Variants in CTNND2 observed in about 807,000 individuals in gnomAD.
CTNND2 encodes catenin delta-2.
Under a neutral mutation model 144.4 loss-of-function variants are expected in CTNND2, and 22 were observed. That is an observed-to-expected ratio of 0.15 (90% CI 0.11 to 0.22). The LOEUF is 0.22. Among genes scored for constraint, CTNND2 ranks in the 10% least tolerant of loss-of-function variants. The pLI is 1.00. For missense variants in CTNND2, 1,353 were observed against 1,618.8 expected (o/e 0.84, Z 2.82); for synonymous variants, 751 against 695.6 (o/e 1.08, Z -1.25).
At chr5:11,143,855 G>A (rs1316155788) in intron 12 of CTNND2, among the ~76,000 whole-genome samples, 3 of 152,190 alleles carry the variant, frequency 2.0e-5, no homozygotes, top group African/African-American at 7.2e-5. Flanking sequence ...GATGTTGGGT[G>A]GGTTTGTCAG....
intron 2 of CTNND2, among the ~76,000 whole-genome samples, chr5:11,591,356 T>A (rs558467042): frequency 7.2e-5 from 11 of 152,204 alleles, no homozygotes; most frequent in Non-Finnish European, 1.6e-4. Context: ...ATCCCTCTTG[T>A]AAGAAAATTA....
At chr5:11,312,512 T>A (rs144480711) in intron 9 of CTNND2, among the ~76,000 whole-genome samples, 276 of 152,154 alleles carry the variant, frequency 1.8e-3, no homozygotes, top group African/African-American at 6.3e-3. Flanking sequence ...TTATTCACTA[T>A]CACGAGAATA....
At chr5:11,701,896 G>A (rs887797682) in intron 2 of CTNND2, among the ~76,000 whole-genome samples, 4 of 152,294 alleles carry the variant, frequency 2.6e-5, no homozygotes, top group South Asian at 2.1e-4. Context: ...TCAGCAGCTC[G>A]AGTCAACGGA....
At chr5:11,533,261 T>G (rs1245622992) in intron 3 of CTNND2, among the ~76,000 whole-genome samples, 4 of 152,238 alleles carry the variant, frequency 2.6e-5, no homozygotes, top group Non-Finnish European at 5.9e-5. Flanking sequence ...GGAAACAACA[T>G]GATAGCCTGT....
Position 11,304,124 on chromosome 5 carries a change from A to AGTATGTCTTTATCAGCAGCATGAAGG in CTNND2, c.1628+42222_1628+42247dup, listed in dbSNP as rs565694808. ...TTTCTTTATAAATTACCCAGTCTTG[A>AGTATGTCTTTATCAGCAGCATGAAGG]GTATGTCTTTATCAGCAGCATGAAG... On this transcript the variant is annotated intron_variant, in intron 9 of 21. Coordinates refer to ENST00000304623, the MANE Select transcript of CTNND2 (RefSeq NM_001332.4). Among the ~76,000 whole-genome samples, 19 of 152,260 alleles carry AGTATGTCTTTATCAGCAGCATGAAGG rather than the reference A, an allele frequency of 1.2e-4. 1 individual carries two copies. Among genetic ancestry groups the AGTATGTCTTTATCAGCAGCATGAAGG allele is most frequent in the South Asian group, 8.3e-4 (4 of 4,818 alleles).
chr5:11,590,353 T>C (rs549713217), intron 2 of CTNND2, among the ~76,000 whole-genome samples: 1 of 152,144 alleles, frequency 6.6e-6, no homozygotes, highest in Non-Finnish European at 1.5e-5. Flanking sequence ...CTGTAAATTA[T>C]TTTTTAAAAA....
chr5:11,797,105 A>G (rs780969249), intron 1 of CTNND2, among the ~76,000 whole-genome samples: 8 of 152,224 alleles, frequency 5.3e-5, no homozygotes, highest in Non-Finnish European at 8.8e-5. Flanking sequence ...AACTGAGGAA[A>G]AAGGTTTCTT....
intron 9 of CTNND2, 96 bp from the exon 10 acceptor site, chr5:11,236,919 A>G: frequency 7.7e-7 from 1 of 1,304,792 alleles, no homozygotes; most frequent in Non-Finnish European, 1.1e-6. Flanking sequence ...ACCTGACTCT[A>G]AAAGAAAATA....
At chr5:11,857,903 C>T (rs1795326426) in intron 1 of CTNND2, among the ~76,000 whole-genome samples, 1 of 152,164 alleles carries the variant, frequency 6.6e-6, no homozygotes, top group Admixed American at 6.6e-5. Flanking sequence ...ACAAGGTCTG[C>T]CCATGATCAG....
At chr5:11,560,387 A>G (rs1460752384) in intron 3 of CTNND2, among the ~76,000 whole-genome samples, 1 of 152,198 alleles carries the variant, frequency 6.6e-6, no homozygotes, top group Non-Finnish European at 1.5e-5. Flanking sequence ...AGTCCCCTTT[A>G]GGAGATGTTC....
chr5:11,575,051 C>CTA (rs1450872311), intron 2 of CTNND2, among the ~76,000 whole-genome samples: 2 of 152,144 alleles, frequency 1.3e-5, no homozygotes, highest in Non-Finnish European at 2.9e-5. Flanking sequence ...GCCATCTGTT[C>CTA]TATATATATG....
intron 1 of CTNND2, among the ~76,000 whole-genome samples, chr5:11,839,722 G>C (rs372336638): frequency 2.6e-5 from 4 of 152,038 alleles, no homozygotes; most frequent in Admixed American, 2.6e-4. Flanking sequence ...CTTATATGCA[G>C]GTTCTTGGCT....
chr5:11,371,726 TTG>T (rs1271299998), intron 7 of CTNND2, among the ~76,000 whole-genome samples: 1 of 152,246 alleles, frequency 6.6e-6, no homozygotes, highest in African/African-American at 2.4e-5. Context: ...CATTACTTTG[TTG>T]TAATTAATTT....
At chr5:11,801,459 C>A (rs1791677422) in intron 1 of CTNND2, among the ~76,000 whole-genome samples, 2 of 152,188 alleles carry the variant, frequency 1.3e-5, no homozygotes, top group South Asian at 4.1e-4. Flanking sequence ...TTTGAATAGG[C>A]ACAGAGATGT....
At chr5:11,582,756 C>T (rs750560111) in intron 2 of CTNND2, among the ~76,000 whole-genome samples, 2 of 152,200 alleles carry the variant, frequency 1.3e-5, no homozygotes, top group Non-Finnish European at 2.9e-5. Flanking sequence ...TAGACAGCAT[C>T]ATATGGAGCC....
In CTNND2 at chr5:11,667,418, T is replaced by G. The variant is rs556451463; in HGVS notation, c.174+64718A>C. 1.2e-4 allele frequency among the ~76,000 whole-genome samples: 18 copies of G among 152,318 alleles called. No individual in the cohort carries two copies. The South Asian group carries it at 3.7e-3, about 32-fold the overall frequency. On this transcript the variant is annotated intron_variant, in intron 2 of 21. Transcript: ENST00000304623. ...AGTGTTCCTATTTCTCCACATCCTC[T>G]CCAGTATCTGTTGTTTCCTGACTTT...
chr5:11,617,800 T>C (rs991719103), intron 2 of CTNND2, among the ~76,000 whole-genome samples: 2 of 152,212 alleles, frequency 1.3e-5, no homozygotes, highest in South Asian at 4.1e-4. Context: ...GAATTCACAT[T>C]CTCAATTTCC....
chr5:11,223,599 G>C (rs1256632259), intron 10 of CTNND2, among the ~76,000 whole-genome samples: 2 of 152,162 alleles, frequency 1.3e-5, no homozygotes, highest in African/African-American at 4.8e-5. Context: ...CTGGGCCCTT[G>C]AACTTGGTCC....
At chr5:11,255,618 A>G (rs978756918) in intron 9 of CTNND2, among the ~76,000 whole-genome samples, 1 of 152,160 alleles carries the variant, frequency 6.6e-6, no homozygotes, top group African/African-American at 2.4e-5. Flanking sequence ...TACGCATTCT[A>G]TCTAGTAGGA....
Sources: gnomAD v4.1 joint callset for allele counts (sites outside exome capture counted in the v4.1 genomes callset) on GRCh38, gnomAD v4.1.1 for gene constraint, MANE v1.5 for transcripts, NCBI Gene and HGNC (gene_info 2026-07-23, HGNC 2026-07-21) for gene names.